Variants in LRP1B observed in about 807,000 individuals in gnomAD.
LRP1B encodes low-density lipoprotein receptor-related protein 1B.
LRP1B carries 217 observed loss-of-function variants against 556.6 expected under a neutral mutation model. The ratio of observed to expected loss-of-function variants is 0.39; its 90% CI spans 0.35 to 0.44. The LOEUF (loss-of-function observed/expected upper bound fraction) is 0.44, where lower values mean the gene tolerates loss of function less well. Among genes scored for constraint, LRP1B ranks in the 20% least tolerant of loss-of-function variants. The probability of loss-of-function intolerance (pLI) is 1.00; values close to 1 mark genes in which losing one functional copy is unlikely to be tolerated. For synonymous variants in LRP1B, 2,047 were observed against 1,865.8 expected, an observed-to-expected ratio of 1.10 and a Z score of -2.50; for missense variants, 5,053 against 5,620.8, an observed-to-expected ratio of 0.90 and a Z score of 3.23.
chr2:141,366,894 C>T (rs1689059768), intron 3 of LRP1B, among the ~76,000 whole-genome samples: 1 of 152,204 alleles, frequency 6.6e-6, no homozygotes, highest in Non-Finnish European at 1.5e-5. Flanking sequence ...CCCATTACAA[C>T]ACACATTCAG....
chr2:141,092,976 A>T (rs1223078605), intron 7 of LRP1B, among the ~76,000 whole-genome samples: 1 of 151,966 alleles, frequency 6.6e-6, no homozygotes, highest in Non-Finnish European at 1.5e-5. Context: ...TGTAATGAAT[A>T]TTTCTGTGAC....
At chr2:142,002,214 G>C (rs1233554184) in intron 1 of LRP1B, among the ~76,000 whole-genome samples, 1 of 152,042 alleles carries the variant, frequency 6.6e-6, no homozygotes, top group African/African-American at 2.4e-5. Flanking sequence ...AACCAGTATT[G>C]ATCTATTAAA....
At chr2:140,750,389 T>C (rs1688534715) in intron 35 of LRP1B, among the ~76,000 whole-genome samples, 1 of 152,144 alleles carries the variant, frequency 6.6e-6, no homozygotes, top group Non-Finnish European at 1.5e-5. Flanking sequence ...TCCATTCTTA[T>C]TTCAAGTCTC....
chr2:141,996,757 C>T (rs1288570566), intron 1 of LRP1B, among the ~76,000 whole-genome samples: 2 of 144,840 alleles, frequency 1.4e-5, no homozygotes, highest in Non-Finnish European at 3.0e-5. Context: ...AAAAAATAGT[C>T]CCTCCAAGGA....
At chr2:142,103,282 T>A (rs1706628902) in intron 1 of LRP1B, among the ~76,000 whole-genome samples, 1 of 151,934 alleles carries the variant, frequency 6.6e-6, no homozygotes, top group Non-Finnish European at 1.5e-5. Context: ...ATTATTTGCA[T>A]AAACTTCTTT....
intron 3 of LRP1B, among the ~76,000 whole-genome samples, chr2:141,326,706 G>A (rs1053545252): frequency 2.0e-5 from 3 of 152,064 alleles, no homozygotes; most frequent in East Asian, 1.9e-4. Flanking sequence ...ATCCTACAAC[G>A]TACAAGGAAG....
chr2:140,455,439 G>C (rs1329152547), intron 62 of LRP1B, among the ~76,000 whole-genome samples: 1 of 152,108 alleles, frequency 6.6e-6, no homozygotes, highest in Non-Finnish European at 1.5e-5. Flanking sequence ...ATATGGCATA[G>C]AAATATTATA....
chr2:141,570,366 C>T (rs1187048652), intron 2 of LRP1B, among the ~76,000 whole-genome samples: 1 of 150,948 alleles, frequency 6.6e-6, no homozygotes, highest in African/African-American at 2.4e-5. Flanking sequence ...AGTGAGCGTG[C>T]TACCCAGCCA....
At position 141,556,063 on chromosome 2, in the gene LRP1B, A is replaced by T. The variant is rs554924173; in HGVS notation, c.206-75530T>A. Among the ~76,000 whole-genome samples the T allele has an allele frequency of 1.6e-3, 245 of 151,968 alleles. 1 individual carries two copies. Among genetic ancestry groups the T allele is most frequent in the Middle Eastern group, 3.4e-3 (1 of 294 alleles). On this transcript the variant is annotated intron_variant, in intron 2 of 90. Coordinates refer to ENST00000389484, the MANE Select transcript of LRP1B (RefSeq NM_018557.3). Reference sequence around the variant, plus strand: ...GTATTTATCTAAACTAATGTTTATCATAATAATCATGATGGGTGATGACCC... The same window carrying T: ...GTATTTATCTAAACTAATGTTTATCTTAATAATCATGATGGGTGATGACCC...
intron 1 of LRP1B, among the ~76,000 whole-genome samples, chr2:142,029,762 T>G (rs1217271723): frequency 6.6e-6 from 1 of 151,900 alleles, no homozygotes; most frequent in Non-Finnish European, 1.5e-5. Context: ...CAGTATTGTT[T>G]TGTTAAAACC....
chr2:140,393,517 G>C (rs997818852), intron 66 of LRP1B, among the ~76,000 whole-genome samples: 1 of 151,736 alleles, frequency 6.6e-6, no homozygotes, highest in Non-Finnish European at 1.5e-5. Context: ...ACTGTAATTT[G>C]GGGATTAAGA....
chr2:140,749,297 T>G (rs1043519807), intron 35 of LRP1B, among the ~76,000 whole-genome samples: 2 of 152,100 alleles, frequency 1.3e-5, no homozygotes, highest in African/African-American at 4.8e-5. Context: ...TACACTAAAT[T>G]TATTAAAAAA....
intron 7 of LRP1B, among the ~76,000 whole-genome samples, chr2:141,074,096 C>G (rs1699718098): frequency 6.6e-6 from 1 of 152,082 alleles, no homozygotes; most frequent in South Asian, 2.1e-4. Flanking sequence ...CTGCCTCTCT[C>G]TCCAGTTTCA....
At position 140,371,612 on chromosome 2, in the gene LRP1B, G is replaced by T. The variant is rs1186620511; in HGVS notation, c.10769-327C>A. Among the ~76,000 whole-genome samples the T allele has an allele frequency of 6.8e-5, 10 of 147,820 alleles. No homozygotes were observed. In the South Asian group the frequency reaches 1.1e-3, roughly 16 times the overall value. On this transcript the variant is annotated intron_variant, in intron 69 of 90. Coordinates refer to ENST00000389484, the MANE Select transcript of LRP1B (RefSeq NM_018557.3). ...CCTTTGATTTTGAAGTGTTACATGA[G>T]TTTTTTTTTTTACAATTTTAAATTA...
intron 3 of LRP1B, among the ~76,000 whole-genome samples, chr2:141,362,888 A>G (rs1688883640): frequency 6.6e-6 from 1 of 152,100 alleles, no homozygotes; most frequent in Non-Finnish European, 1.5e-5. Context: ...TAGTTCATTC[A>G]TTCATTTATT....
intron 2 of LRP1B, among the ~76,000 whole-genome samples, chr2:141,783,822 T>C (rs1695339041): frequency 6.6e-6 from 1 of 151,864 alleles, no homozygotes; most frequent in Non-Finnish European, 1.5e-5. Flanking sequence ...ACTAATAACA[T>C]ATCAATTACC....
At chr2:140,384,835 T>G (rs7597354) in intron 67 of LRP1B, among the ~76,000 whole-genome samples, 1 of 152,192 alleles carries the variant, frequency 6.6e-6, no homozygotes, top group African/African-American at 2.4e-5. Flanking sequence ...ACTAATCTGC[T>G]TCAAGTCTTC....
At chr2:141,216,426 G>A (rs1682817485) in intron 6 of LRP1B, among the ~76,000 whole-genome samples, 1 of 152,224 alleles carries the variant, frequency 6.6e-6, no homozygotes, top group Non-Finnish European at 1.5e-5. Flanking sequence ...GCTGCACAGA[G>A]AACTTCAACT....
intron 2 of LRP1B, among the ~76,000 whole-genome samples, chr2:141,761,600 T>G (rs1694550233): frequency 6.6e-6 from 1 of 152,134 alleles, no homozygotes; most frequent in Admixed American, 6.5e-5. Flanking sequence ...ACTTAAAAAT[T>G]TATTTTACTT....
Sources: allele counts gnomAD v4.1 joint callset (sites outside exome capture counted in the v4.1 genomes callset), GRCh38; gene constraint gnomAD v4.1.1; transcripts MANE v1.5; gene names NCBI Gene and HGNC (gene_info 2026-07-23, HGNC 2026-07-21).